CCT3: variants seen among roughly 807,000 people sequenced by gnomAD.
The protein encoded by CCT3 is chaperonin containing TCP1 subunit 3.
A neutral mutation model predicts 65.3 loss-of-function variants in CCT3; 10 were observed. The ratio of observed to expected loss-of-function variants is 0.15; its 90% confidence interval spans 0.09 to 0.26. CCT3 has a LOEUF of 0.26. CCT3 is among the 10% of genes least tolerant of loss of function. The probability of loss-of-function intolerance (pLI) is 1.00; values close to 1 mark genes in which losing one functional copy is unlikely to be tolerated. For synonymous variants in CCT3, 225 were observed against 242.3 expected (o/e 0.93, Z 0.66); for missense variants, 626 against 708.7 (o/e 0.88, Z 1.33).
chr1:156,317,691 G>T, intron 8 of CCT3, 144 bp from the exon 9 acceptor site: 1 of 678,374 alleles, frequency 1.5e-6, no homozygotes, highest in Non-Finnish European at 2.4e-6. Context: ...ACCTCTGTAA[G>T]CCAATTTAGC....
Position 156,319,119 on chromosome 1 carries a change from T to TG in CCT3, c.610-103_610-102insC, listed in dbSNP as rs1259853717. ...CCCAAACAGCTAGTGTTTCAGGTTT[T>TG]TTTTTTTTTTTGAGATGGAGTCTCG... is the stretch of plus-strand genomic sequence containing the variant. On this transcript the variant is annotated intron_variant, in intron 7 of 13. Transcript: ENST00000295688. 1.8e-5 allele frequency: 20 copies of TG among 1,110,274 alleles called. 1 individual carries two copies. Among genetic ancestry groups the TG allele is most frequent in the Non-Finnish European group, 2.5e-5 (20 of 800,734 alleles). The allele number at this position is 1,110,274 out of a possible 1,614,324, so 68.8% of individuals were successfully genotyped here.
At chr1:156,316,033 G>T (rs978537752) in intron 10 of CCT3, among the ~76,000 whole-genome samples, 2 of 141,666 alleles carry the variant, frequency 1.4e-5, no homozygotes, top group African/African-American at 2.5e-5. Flanking sequence ...GAATAAACAT[G>T]TAAGTAGAGT....
chr1:156,337,918 G>A (rs985371076), intron 1 of CCT3: 1 of 564,306 alleles, frequency 1.8e-6, no homozygotes. Context: ...AGCTTCCCAA[G>A]ACGAGCACAC....
rs1664417726 is a variant in CCT3 at position 156,318,810 on chromosome 1, T to G, written c.759+58A>C. On this transcript the variant is annotated intron_variant, in intron 8 of 13. Transcript: ENST00000295688. The stretch of plus-strand genomic sequence containing the variant: ...ATAAACATACGTTTTATTTCTGTTG[T>G]TCATATTTGCAGTCAGATTCTTGCA... 5.2e-6 allele frequency: 8 copies of G among 1,553,388 alleles called. No homozygotes were observed. The South Asian group carries it at 8.0e-5, about 16-fold the overall frequency.
intron 5 of CCT3, among the ~76,000 whole-genome samples, chr1:156,329,137 G>C (rs1570932624): frequency 6.6e-6 from 1 of 152,004 alleles, no homozygotes; most frequent in African/African-American, 2.4e-5. Flanking sequence ...ACTGTATTCA[G>C]TACAGTAACA....
At chr1:156,311,766 A>G (rs1664093174) in intron 11 of CCT3, among the ~76,000 whole-genome samples, 2 of 152,182 alleles carry the variant, frequency 1.3e-5, no homozygotes, top group African/African-American at 4.8e-5. Flanking sequence ...TGCAAGATGA[A>G]AAAGTTCTGA....
At chr1:156,337,471 T>C (rs1442493876) in intron 1 of CCT3, 1 of 173,712 alleles carries the variant, frequency 5.8e-6, no homozygotes. Flanking sequence ...TCGAGAAATC[T>C]GGGAAAACCC....
chr1:156,334,369 G>A (rs989534671), intron 4 of CCT3, among the ~76,000 whole-genome samples: 5 of 152,082 alleles, frequency 3.3e-5, no homozygotes, highest in Non-Finnish European at 5.9e-5. Context: ...GGGTGGGCTC[G>A]AAGACCAATC....
In CCT3 at chr1:156,336,095, T is replaced by C. The variant is rs1380169036; in HGVS notation, c.32-207A>G. 6.9e-6 allele frequency: 3 copies of C among 435,172 alleles called. No individual in the cohort carries two copies. In the Admixed American group the frequency reaches 1.2e-4, roughly 18 times the overall value. 27.0% of individuals were successfully genotyped at this position (435,172 alleles called of 1,614,324 possible). On this transcript the variant is annotated intron_variant, in intron 1 of 13. Transcript: ENST00000295688. Reference sequence around the variant, plus strand: ...CTGTAAACATATGTCCTTATGGCTGTTAACTTCCTTCTGTATTTCAATCCT... The same window carrying C: ...CTGTAAACATATGTCCTTATGGCTGCTAACTTCCTTCTGTATTTCAATCCT...
rs113676483 is a variant in CCT3, at chr1:156,310,539, A to G, written c.1533+19T>C. On this transcript the variant is annotated intron_variant, in intron 13 of 13. Transcript: ENST00000295688. The stretch of plus-strand genomic sequence containing the variant: ...ATAAATTAATTAAAACAGCGTGTAC[A>G]TATCTTAGGGTGCCTTACCTCCACT... 73 of 1,591,076 alleles carry G rather than the reference A, an allele frequency of 4.6e-5. 3 individuals are homozygous for G. The African/African-American group carries it at 4.6e-4, about 10-fold the overall frequency.
intron 8 of CCT3, among the ~76,000 whole-genome samples, 194 bp from the exon 9 acceptor site, chr1:156,317,741 C>T (rs1300502662): frequency 6.6e-6 from 1 of 150,412 alleles, no homozygotes; most frequent in Non-Finnish European, 1.5e-5. Flanking sequence ...CGGAATCTTG[C>T]TCTGTCACCC....
intron 6 of CCT3, 50 bp from the exon 7 acceptor site, chr1:156,321,075 T>C: frequency 1.4e-6 from 2 of 1,453,788 alleles, no homozygotes; most frequent in Non-Finnish European, 9.6e-7. Flanking sequence ...GTTAGATATG[T>C]AGAGATGTGC....
chr1:156,312,061 C>T lies in CCT3; in HGVS notation c.1135G>A (p.Ala379Thr). Residue 379 changes from alanine to threonine, a missense_variant, in exon 11 of 14, where the codon GCT becomes ACT. Ala to Thr is a moderately conservative substitution (Grantham distance 58, BLOSUM62 0). Coordinates refer to ENST00000295688, the MANE Select transcript of CCT3 (RefSeq NM_005998.5). The part of the protein sequence containing the change: ...PKACTILLRG[A>T]SKEILSEVER... ...CTCACCGAGAGAATCTCTTTGCTAG[C>T]CCCCCGGAGGAGAATGGTGCAGGCC... 3 of 1,610,114 alleles carry T rather than the reference C, an allele frequency of 1.9e-6. No individual in the cohort carries two copies. The highest frequency in any genetic ancestry group is 2.5e-6 in the Non-Finnish European group (3 of 1,178,152).
intron 6 of CCT3, among the ~76,000 whole-genome samples, chr1:156,321,574 T>C (rs2250265): frequency 0.26 from 39,065 of 152,194 alleles, 5,309 homozygotes; most frequent in Non-Finnish European, 0.27. Flanking sequence ...TTTCACATAA[T>C]GCTAAAATCT....
intron 5 of CCT3, among the ~76,000 whole-genome samples, chr1:156,329,050 TTATAA>T (rs1664989597): frequency 6.6e-6 from 1 of 152,132 alleles, no homozygotes; most frequent in South Asian, 2.1e-4. Flanking sequence ...TCCCATAAGA[TTATAA>T]TATCATATTT....
chr1:156,338,054 A>G (rs1665527278), intron 1 of CCT3, 100 bp downstream of exon 1: 1 of 1,295,530 alleles, frequency 7.7e-7, no homozygotes, highest in African/African-American at 1.5e-5. Context: ...TGGAAGGCTC[A>G]GTGGCCCGGT....
intron 5 of CCT3, among the ~76,000 whole-genome samples, chr1:156,330,144 A>T (rs1198347260): frequency 6.6e-6 from 1 of 152,194 alleles, no homozygotes; most frequent in Non-Finnish European, 1.5e-5. Context: ...TGAAATTATC[A>T]GCTAGAAAAT....
At chr1:156,311,967 T>C in intron 11 of CCT3, 74 bp downstream of exon 11, 1 of 1,253,236 alleles carries the variant, frequency 8.0e-7, no homozygotes, top group Non-Finnish European at 1.1e-6. Flanking sequence ...ACAGAATTAT[T>C]TTAGGCCCTT....
chr1:156,313,775 T>C (rs937625341), intron 10 of CCT3, among the ~76,000 whole-genome samples: 13 of 152,164 alleles, frequency 8.5e-5, no homozygotes, highest in Admixed American at 3.9e-4. Flanking sequence ...CTGTAAGGCT[T>C]ATTACACATG....
Sources: allele counts gnomAD v4.1 joint callset (sites outside exome capture counted in the v4.1 genomes callset), GRCh38; gene constraint gnomAD v4.1.1; transcripts MANE v1.5; gene names NCBI Gene and HGNC (gene_info 2026-07-23, HGNC 2026-07-21).